DHRSX: variants seen among roughly 807,000 people sequenced by gnomAD.
The protein encoded by DHRSX is dehydrogenase/reductase X-linked.
In DHRSX, 31 loss-of-function variants were observed where a neutral mutation model predicts 34.0. The ratio of observed to expected loss-of-function variants is 0.91; its 90% CI spans 0.69 to 1.23. The LOEUF (loss-of-function observed/expected upper bound fraction) is 1.23, where lower values mean the gene tolerates loss of function less well. DHRSX is among the 50% of genes most tolerant of loss of function. The probability of loss-of-function intolerance (pLI) is 0.00; values close to 1 mark genes in which losing one functional copy is unlikely to be tolerated. For synonymous variants in DHRSX, 201 were observed against 183.8 expected (o/e 1.09, Z -0.76); for missense variants, 414 against 428.1 (o/e 0.97, Z 0.29).
Position 2,488,765 on chromosome X carries a change from C to T in DHRSX, c.109+12052G>A, listed in dbSNP as rs775074783. The T allele has an allele frequency of 9.9e-6, 16 of 1,613,844 alleles. No homozygotes were observed. In the Admixed American group the frequency reaches 1.3e-4, roughly 13 times the overall value. On this transcript the variant is annotated intron_variant, in intron 1 of 6. Coordinates refer to ENST00000334651, the MANE Select transcript of DHRSX (RefSeq NM_145177.3). ...CTCGGGTTCCGCCTCTGCCCCACTC[C>T]GGGCGTTCTCATACAGAAACACCTG...
intron 4 of DHRSX, among the ~76,000 whole-genome samples, chrX:2,276,703 A>G (rs1274725694): frequency 7.3e-6 from 1 of 137,876 alleles, no homozygotes; most frequent in African/African-American, 2.5e-5. Context: ...AACTCCAGAG[A>G]AAGGAGAGTG....
intron 3 of DHRSX, among the ~76,000 whole-genome samples, chrX:2,353,238 T>A (rs2042808941): frequency 6.6e-6 from 1 of 152,018 alleles, no homozygotes. Flanking sequence ...AGCCAGACCC[T>A]GTCTCAAAAA....
intron 3 of DHRSX, among the ~76,000 whole-genome samples, chrX:2,330,152 AAGGAAGGAGGAGGAGGTGAAAG>A (rs2042445289): frequency 8.1e-6 from 1 of 123,756 alleles, no homozygotes; most frequent in African/African-American, 3.1e-5. Flanking sequence ...GAGGAGGAGA[AAGGAAGGAGGAGGAGGTGAAAG>A]AGGAGGAGGA....
chrX:2,298,618 A>ACACGCACGCACACGCACGCG (rs2041969532), intron 3 of DHRSX, among the ~76,000 whole-genome samples: 1 of 135,362 alleles, frequency 7.4e-6, no homozygotes, highest in African/African-American at 3.8e-5. Flanking sequence ...ACACACACAC[A>ACACGCACGCACACGCACGCG]CACACACACA....
At chrX:2,489,760 C>T (rs1260069101) in intron 1 of DHRSX, 3 of 1,613,386 alleles carry the variant, frequency 1.9e-6, no homozygotes, top group Non-Finnish European at 2.5e-6. Context: ...GCTGGAAGTA[C>T]TCCACCAGTT....
chrX:2,299,082 G>A (rs375581935), intron 3 of DHRSX, among the ~76,000 whole-genome samples: 16 of 150,926 alleles, frequency 1.1e-4, no homozygotes, highest in African/African-American at 3.4e-4. Flanking sequence ...TTAACTCTTA[G>A]CAACTGCCAG....
Position 2,479,381 on chromosome X carries a change from C to T in DHRSX, c.109+21436G>A, listed in dbSNP as rs774461496. 5.3e-5 allele frequency among the ~76,000 whole-genome samples: 8 copies of T among 151,122 alleles called. No individual in the cohort carries two copies. The South Asian group carries it at 1.7e-3, about 32-fold the overall frequency. Reference sequence around the variant, plus strand: ...CGCCACGTACACACTGAAGACATTCCCTAAGAATGTGGCCAAGGGACCACC... The same window carrying T: ...CGCCACGTACACACTGAAGACATTCTCTAAGAATGTGGCCAAGGGACCACC... On this transcript the variant is annotated intron_variant, in intron 1 of 6. Coordinates refer to ENST00000334651, the MANE Select transcript of DHRSX (RefSeq NM_145177.3).
intron 3 of DHRSX, among the ~76,000 whole-genome samples, chrX:2,381,978 G>A (rs116061586): frequency 0.061 from 9,327 of 152,110 alleles, 652 homozygotes; most frequent in African/African-American, 0.17. Flanking sequence ...GGCTTCGTAG[G>A]AGAGTCTGCT....
intron 3 of DHRSX, among the ~76,000 whole-genome samples, chrX:2,385,146 A>G (rs867564570): frequency 8.7e-6 from 1 of 114,468 alleles, no homozygotes; most frequent in African/African-American, 3.2e-5. Flanking sequence ...GTATGTGTAT[A>G]TATATGTGTG....
chrX:2,301,792 C>G (rs1475732397), intron 3 of DHRSX, among the ~76,000 whole-genome samples: 1 of 152,126 alleles, frequency 6.6e-6, no homozygotes, highest in Non-Finnish European at 1.5e-5. Context: ...GCACCCGCCA[C>G]CACGCCTGGC....
chrX:2,488,362 A>G (rs7061377), intron 1 of DHRSX: 13,844 of 424,096 alleles, frequency 0.033, 1,605 homozygotes, highest in African/African-American at 0.25. Flanking sequence ...TTTAGTAGAG[A>G]CGGGGTTTCG....
chrX:2,291,678 G>T, intron 3 of DHRSX, 75 bp from the exon 4 acceptor site: 2 of 1,101,062 alleles, frequency 1.8e-6, no homozygotes, highest in Non-Finnish European at 2.8e-6. Context: ...TTTCTAAACA[G>T]GTCAAACTCA....
chrX:2,394,785 G>A (rs1297947704), intron 3 of DHRSX, among the ~76,000 whole-genome samples: 1 of 151,982 alleles, frequency 6.6e-6, no homozygotes, highest in African/African-American at 2.4e-5. Flanking sequence ...AGAATGGCGT[G>A]AACCTGGGAG....
intron 6 of DHRSX, among the ~76,000 whole-genome samples, chrX:2,233,211 G>A (rs1291470730): frequency 6.6e-6 from 1 of 152,124 alleles, no homozygotes; most frequent in African/African-American, 2.4e-5. Context: ...GTGCAGCTGT[G>A]GCTGACAGAC....
intron 1 of DHRSX, among the ~76,000 whole-genome samples, chrX:2,451,721 G>A (rs2044220599): frequency 2.6e-5 from 4 of 152,190 alleles, no homozygotes; most frequent in Admixed American, 2.6e-4. Context: ...ACCCAGTGAA[G>A]AAACAAAAGC....
intron 1 of DHRSX, among the ~76,000 whole-genome samples, chrX:2,485,819 G>GGAAGGAAGGGAGA (rs1556536436): frequency 5.5e-5 from 4 of 73,312 alleles, no homozygotes; most frequent in Non-Finnish European, 8.4e-5. Context: ...AGGGAGAGAA[G>GGAAGGAAGGGAGA]GAAGGAAGGG....
rs184644899 is a variant in DHRSX at position 2,476,646 on chromosome X, C to T, written c.109+24171G>A. ...ATTTCATCCATTCCTCAAAACAACG[C>T]CACGTAGACTGGATAAAGAAAAGGT... On this transcript the variant is annotated intron_variant, in intron 1 of 6. Coordinates refer to ENST00000334651, the MANE Select transcript of DHRSX (RefSeq NM_145177.3). Among the ~76,000 whole-genome samples the T allele has an allele frequency of 5.6e-3, 855 of 152,214 alleles. 12 individuals carry two copies. Among genetic ancestry groups the T allele is most frequent in the Admixed American group, 0.037 (571 of 15,282 alleles).
rs1434798597 is a variant in DHRSX at position 2,367,479 on chromosome X, A to G, written c.286+41266T>C. Among the ~76,000 whole-genome samples, 4 of 152,116 alleles carry G rather than the reference A, an allele frequency of 2.6e-5. No individual in the cohort carries two copies. In the South Asian group the frequency reaches 6.2e-4, roughly 24 times the overall value. On this transcript the variant is annotated intron_variant, in intron 3 of 6. Transcript: ENST00000334651. ...GAAAAAAAAAAAAGAACGATGCTACATTCTCAGAAAATTAGTTTTACATTG... is the reference window on the plus strand; with the variant it reads ...GAAAAAAAAAAAAGAACGATGCTACGTTCTCAGAAAATTAGTTTTACATTG...
rs760454896 is a variant in DHRSX, at chrX:2,489,506, T to C, written c.109+11311A>G. On this transcript the variant is annotated intron_variant, in intron 1 of 6. Transcript: ENST00000334651. ...GGCCGACAGCATCTCGGCCACCTGCTTGAAGGGCTGCAGGAGCTCCACCAG... is the reference window on the plus strand; with the variant it reads ...GGCCGACAGCATCTCGGCCACCTGCCTGAAGGGCTGCAGGAGCTCCACCAG... The C allele has an allele frequency of 4.3e-5, 69 of 1,613,232 alleles. No homozygotes were observed. The Admixed American group carries it at 1.1e-3, about 26-fold the overall frequency.
Sources: gnomAD v4.1 joint callset for allele counts (sites outside exome capture counted in the v4.1 genomes callset) on GRCh38, gnomAD v4.1.1 for gene constraint, MANE v1.5 for transcripts, NCBI Gene and HGNC (gene_info 2026-07-23, HGNC 2026-07-21) for gene names.